Variants in HORMAD2 observed in about 807,000 individuals in gnomAD.
HORMAD2 encodes HORMA domain-containing protein 2.
A neutral mutation model predicts 38.8 loss-of-function variants in HORMAD2; 45 were observed. That is an observed-to-expected ratio of 1.16 (90% confidence interval 0.91 to 1.49). HORMAD2 has a LOEUF of 1.49. Ranked by LOEUF, HORMAD2 falls within the 40% of genes most tolerant of loss-of-function variation. The pLI, the probability that HORMAD2 is intolerant of heterozygous loss-of-function variation, is 0.00. For missense variants in HORMAD2, 338 were observed against 367.0 expected (o/e 0.92, Z 0.65); for synonymous variants, 126 against 122.8 (o/e 1.03, Z -0.17).
At chr22:30,189,195 C>T in the HORMAD2 span, among the ~76,000 whole-genome samples, 4 of 151,934 alleles carry the variant, frequency 2.6e-5, no homozygotes, top group Admixed American at 6.6e-5. Context: ...CTAATTCTTT[C>T]TGTCTGAGTC....
intron 10 of HORMAD2, among the ~76,000 whole-genome samples, chr22:30,173,134 G>A (rs1356165304): frequency 1.3e-5 from 2 of 152,200 alleles, no homozygotes; most frequent in African/African-American, 4.8e-5. Flanking sequence ...GGCAAGCAGG[G>A]CCCATTAGAA....
chr22:30,117,431 A>T (rs1922123640), intron 7 of HORMAD2, among the ~76,000 whole-genome samples: 1 of 150,752 alleles, frequency 6.6e-6, no homozygotes, highest in Non-Finnish European at 1.5e-5. Context: ...TATTTTATTT[A>T]TTTATTTTTA....
At chr22:30,185,097 A>G in the HORMAD2 span, among the ~76,000 whole-genome samples, 1 of 152,156 alleles carries the variant, frequency 6.6e-6, no homozygotes, top group Non-Finnish European at 1.5e-5. Flanking sequence ...GTGGGTTATG[A>G]CAGTCTACTC....
the HORMAD2 span, among the ~76,000 whole-genome samples, chr22:30,200,483 A>G: frequency 6.6e-6 from 1 of 152,126 alleles, no homozygotes; most frequent in Non-Finnish European, 1.5e-5. Flanking sequence ...ATGGTTCTCA[A>G]TAGCTTACTG....
chr22:30,176,130 G>T lies in HORMAD2; in HGVS notation c.887G>T (p.Ser296Ile). The T allele has an allele frequency of 1.9e-6, 3 of 1,612,618 alleles. No homozygotes were observed. Among genetic ancestry groups the T allele is most frequent in the Non-Finnish European group, 2.5e-6 (3 of 1,178,852 alleles). Residue 296 changes from serine to isoleucine, a missense_variant, in exon 11 of 11, where the codon AGT (serine) becomes ATT (isoleucine). Transcript: ENST00000336726. ...SECSRKKRKV[S>I]EPVKVFIPNR... ...TGCTCCAGGAAGAAGAGGAAGGTCA[G>T]TGAACCAGTGAAGGTCTTCATCCCT...
In HORMAD2 at chr22:30,176,350, C is replaced by A. The variant is rs145207270; in HGVS notation, c.*183C>A. Reference sequence around the variant, plus strand: ...CCAGGTAGGACGCGAGTCCACTTTGCCATAAGGAAAGCGGGTCAATAGGGC... The same window carrying A: ...CCAGGTAGGACGCGAGTCCACTTTGACATAAGGAAAGCGGGTCAATAGGGC... On this transcript the variant is annotated 3_prime_UTR_variant, in exon 11 of 11. Transcript: ENST00000336726. The A allele has an allele frequency of 3.7e-6, 2 of 545,756 alleles. No homozygotes were observed. The highest frequency in any genetic ancestry group is 3.3e-6 in the Non-Finnish European group (1 of 306,868). 33.8% of individuals were successfully genotyped at this position (545,756 alleles called of 1,614,324 possible).
intron 1 of HORMAD2, among the ~76,000 whole-genome samples, chr22:30,087,474 T>C (rs2068590306): frequency 6.6e-6 from 1 of 151,822 alleles, no homozygotes; most frequent in Non-Finnish European, 1.5e-5. Context: ...ATCCAGGGAG[T>C]GTGTGGTAGA....
chr22:30,196,246 C>T, the HORMAD2 span, among the ~76,000 whole-genome samples: 12 of 152,182 alleles, frequency 7.9e-5, no homozygotes, highest in African/African-American at 1.4e-4. Context: ...TGGTTTCAGC[C>T]GGAGACTTGA....
intron 10 of HORMAD2, among the ~76,000 whole-genome samples, chr22:30,128,905 T>C (rs927451751): frequency 2.0e-5 from 3 of 152,156 alleles, no homozygotes; most frequent in African/African-American, 7.2e-5. Context: ...GGATATTTTT[T>C]GAATCCCTAT....
In HORMAD2 at chr22:30,125,216, C is replaced by CTTTT. The variant is rs1167990121; in HGVS notation, c.819+3025_819+3028dup. On this transcript the variant is annotated intron_variant, in intron 10 of 10. Transcript: ENST00000336726. ...CATCTTTTCACTTTCTTTTTCTTTT[C>CTTTT]TTTTTTTTTTTTTTTTTTTTTTTTT... Among the ~76,000 whole-genome samples the CTTTT allele has an allele frequency of 1.3e-3, 58 of 43,480 alleles. 8 individuals are homozygous for CTTTT. Among genetic ancestry groups the CTTTT allele is most frequent in the African/African-American group, 5.2e-3 (51 of 9,734 alleles). 28.5% of individuals were successfully genotyped at this position (43,480 alleles called of 152,430 possible).
chr22:30,078,253 G>A (rs988409294), upstream of HORMAD2, among the ~76,000 whole-genome samples: 4 of 152,174 alleles, frequency 2.6e-5, no homozygotes, highest in Admixed American at 2.6e-4. Flanking sequence ...GGCCTCTGAT[G>A]ACACTTACTT....
intron 10 of HORMAD2, among the ~76,000 whole-genome samples, chr22:30,153,206 G>GT (rs1180712129): frequency 6.6e-6 from 1 of 151,810 alleles, no homozygotes; most frequent in African/African-American, 2.4e-5. Context: ...TGTTCTTACT[G>GT]CCAAAACTCA....
At chr22:30,094,884 A>G (rs766607256) in intron 2 of HORMAD2, among the ~76,000 whole-genome samples, 17 of 152,220 alleles carry the variant, frequency 1.1e-4, no homozygotes, top group Non-Finnish European at 1.9e-4. Context: ...AGTGAAATGC[A>G]TGGTAAAAGC....
At chr22:30,198,187 T>C in the HORMAD2 span, among the ~76,000 whole-genome samples, 1 of 151,800 alleles carries the variant, frequency 6.6e-6, no homozygotes, top group Non-Finnish European at 1.5e-5. Context: ...CTCAAAAAAA[T>C]AGGAAGAGTC....
At chr22:30,200,392 G>A in the HORMAD2 span, among the ~76,000 whole-genome samples, 1 of 152,076 alleles carries the variant, frequency 6.6e-6, no homozygotes, top group Admixed American at 6.5e-5. Flanking sequence ...ATTGTGTAGT[G>A]TTCTTTATCA....
At chr22:30,103,560 C>A in intron 4 of HORMAD2, 60 bp downstream of exon 4, 1 of 773,714 alleles carries the variant, frequency 1.3e-6, no homozygotes, top group Non-Finnish European at 2.1e-6. Flanking sequence ...GCTGAAATTA[C>A]CCATAAGACT....
the HORMAD2 span, among the ~76,000 whole-genome samples, chr22:30,194,930 C>T: frequency 1.3e-5 from 2 of 152,080 alleles, no homozygotes; most frequent in African/African-American, 2.4e-5. Flanking sequence ...CAGTGGCTCA[C>T]GCCTGTAATC....
intron 10 of HORMAD2, among the ~76,000 whole-genome samples, chr22:30,173,583 T>G (rs1347072459): frequency 6.6e-6 from 1 of 152,190 alleles, no homozygotes; most frequent in African/African-American, 2.4e-5. Context: ...GATGATGAAT[T>G]CCAATTTGGG....
chr22:30,111,286 GA>G (rs1921631795), intron 5 of HORMAD2, among the ~76,000 whole-genome samples: 1 of 151,906 alleles, frequency 6.6e-6, no homozygotes, highest in South Asian at 2.1e-4. Flanking sequence ...AGGAGTTCAC[GA>G]CCAGCCTAGC....
Sources: gnomAD v4.1 joint callset for allele counts (sites outside exome capture counted in the v4.1 genomes callset) on GRCh38, gnomAD v4.1.1 for gene constraint, MANE v1.5 for transcripts, NCBI Gene and HGNC (gene_info 2026-07-23, HGNC 2026-07-21) for gene names.